PCDH11X: variants seen among roughly 807,000 people sequenced by gnomAD.
PCDH11X encodes protocadherin-11 X-linked.
A neutral mutation model predicts 53.3 loss-of-function variants in PCDH11X; 18 were observed. The observed-to-expected ratio is 0.34, with a 90% CI of 0.23 to 0.50. The LOEUF is 0.50. Ranked by LOEUF, PCDH11X falls within the 20% of genes least tolerant of loss-of-function variation. PCDH11X has a pLI of 0.98. For synonymous variants in PCDH11X, 279 were observed against 393.3 expected (o/e 0.71, Z 3.44); for missense variants, 570 against 1,032.4 (o/e 0.55, Z 6.14).
intron 8 of PCDH11X, among the ~76,000 whole-genome samples, chrX:92,299,212 G>T (rs1356690071): frequency 9.0e-6 from 1 of 111,354 alleles, no homozygotes; most frequent in Non-Finnish European, 1.9e-5. Context: ...ATGCTTTAAG[G>T]CCCAGGAAAG....
Position 92,506,216 on chromosome X carries a change from C to CTTTTTTTTTTTTTTT in PCDH11X, c.3367+37902_3367+37916dup, listed in dbSNP as rs1180678297. ...ATTTGGATACATTTTCTTTTCTTTT[C>CTTTTTTTTTTTTTTT]TTTTTTTTTTTTTTTTTTTTTTGCC... On this transcript the variant is annotated intron_variant, in intron 10 of 10. Transcript: ENST00000682573. Among the ~76,000 whole-genome samples, 86 of 40,181 alleles carry CTTTTTTTTTTTTTTT rather than the reference C, an allele frequency of 2.1e-3. 2 individuals are homozygous for CTTTTTTTTTTTTTTT. Among genetic ancestry groups the CTTTTTTTTTTTTTTT allele is most frequent in the African/African-American group, 2.7e-3 (25 of 9,272 alleles). 34.9% of individuals were successfully genotyped at this position (40,181 alleles called of 115,157 possible). A position where few individuals can be genotyped will look rare whatever the true frequency, so the allele number is the denominator to read the frequency against.
At chrX:91,934,548 A>C (rs12859633) in intron 6 of PCDH11X, among the ~76,000 whole-genome samples, 1,155 of 109,746 alleles carry the variant, frequency 0.011, 7 homozygotes, top group Non-Finnish European at 0.017. Flanking sequence ...TAGTTCTGGG[A>C]TACTTTCTGT....
intron 6 of PCDH11X, among the ~76,000 whole-genome samples, chrX:92,180,861 C>CT (rs149189638): frequency 0.41 from 41,404 of 100,955 alleles, 6,640 homozygotes; most frequent in Admixed American, 0.57. Context: ...TCCATTAAAA[C>CT]TTTTTTTTTT....
intron 6 of PCDH11X, among the ~76,000 whole-genome samples, chrX:92,086,149 C>T (rs753780595): frequency 1.8e-5 from 2 of 111,186 alleles, no homozygotes; most frequent in South Asian, 3.8e-4. Context: ...GTTGAAAACC[C>T]CTCTTTTATA....
intron 8 of PCDH11X, among the ~76,000 whole-genome samples, chrX:92,312,928 G>A (rs759358215): frequency 8.1e-4 from 90 of 111,396 alleles, no homozygotes; most frequent in African/African-American, 2.7e-3. Flanking sequence ...TTGGGGTCAT[G>A]TAGACACTTA....
chrX:92,128,980 A>AAAAT (rs886933549), intron 6 of PCDH11X, among the ~76,000 whole-genome samples: 92 of 107,225 alleles, frequency 8.6e-4, no homozygotes, highest in African/African-American at 3.3e-3. Flanking sequence ...ATATATCAAG[A>AAAAT]AAATAAATAA....
chrX:92,293,213 CA>C (rs760008988), intron 8 of PCDH11X, among the ~76,000 whole-genome samples: 2 of 111,005 alleles, frequency 1.8e-5, no homozygotes, highest in South Asian at 7.7e-4. Context: ...GAGTGGCATC[CA>C]ATACAGTTTT....
At position 91,791,103 on chromosome X, in the gene PCDH11X, T is replaced by C. The variant is rs1410376998; in HGVS notation, c.-379+11419T>C. ...GGCCAATTGGATTAAAATGTTCTTG[T>C]AAGTGCTAAATGAACTTGAGTGTCT... On this transcript the variant is annotated intron_variant, in intron 1 of 10. Coordinates refer to ENST00000682573, the MANE Select transcript of PCDH11X (RefSeq NM_032968.5). Among the ~76,000 whole-genome samples, 3 of 106,963 alleles carry C rather than the reference T, an allele frequency of 2.8e-5. No homozygotes were observed. The East Asian group carries it at 8.8e-4, about 31-fold the overall frequency. The allele number at this position is 106,963 out of a possible 115,157, so 92.9% of individuals were successfully genotyped here. A position where few individuals can be genotyped will look rare whatever the true frequency, so the allele number is the denominator to read the frequency against.
At chrX:91,879,641 T>G (rs1361666055) in intron 6 of PCDH11X, 47 of 893,163 alleles carry the variant, frequency 5.3e-5, no homozygotes, top group Non-Finnish European at 6.4e-5. Context: ...TACATCACAT[T>G]AAAGCTTTTC....
chrX:91,898,250 CAGAG>C (rs1276330384), intron 6 of PCDH11X, among the ~76,000 whole-genome samples: 1 of 108,316 alleles, frequency 9.2e-6, no homozygotes, highest in African/African-American at 3.4e-5. Flanking sequence ...ATTGAGCTCT[CAGAG>C]AGCTCAATAA....
intron 7 of PCDH11X, among the ~76,000 whole-genome samples, chrX:92,238,199 T>C (rs1304548725): frequency 2.7e-5 from 3 of 111,600 alleles, no homozygotes; most frequent in Non-Finnish European, 5.7e-5. Flanking sequence ...TTTGAAAACA[T>C]TGGTTATTTG....
At chrX:91,926,652 G>T (rs1342295109) in intron 6 of PCDH11X, among the ~76,000 whole-genome samples, 1 of 110,080 alleles carries the variant, frequency 9.1e-6, no homozygotes, top group African/African-American at 3.3e-5. Flanking sequence ...AGAGTTTTTT[G>T]CAAATATTAT....
intron 6 of PCDH11X, chrX:91,879,539 G>A: frequency 9.3e-7 from 1 of 1,076,137 alleles, no homozygotes; most frequent in South Asian, 2.4e-5. Context: ...ATTCTTGCTA[G>A]AGAATATATT....
chrX:92,209,791 T>C (rs770180031), intron 7 of PCDH11X, among the ~76,000 whole-genome samples: 10 of 112,473 alleles, frequency 8.9e-5, no homozygotes. Flanking sequence ...CTTCATCACA[T>C]GCAGCAGATA....
chrX:92,285,442 G>A (rs1033104495), intron 8 of PCDH11X, among the ~76,000 whole-genome samples: 8 of 109,034 alleles, frequency 7.3e-5, no homozygotes, highest in Non-Finnish European at 1.5e-4. Flanking sequence ...TAGTAGAGAT[G>A]GGGTTTCTCC....
intron 7 of PCDH11X, among the ~76,000 whole-genome samples, chrX:92,213,310 C>T (rs190780080): frequency 2.3e-4 from 26 of 111,610 alleles, no homozygotes; most frequent in East Asian, 1.7e-3. Flanking sequence ...TGATTACTAA[C>T]GGCATTATAT....
At chrX:92,231,812 T>C (rs1306198246) in intron 7 of PCDH11X, among the ~76,000 whole-genome samples, 1 of 112,032 alleles carries the variant, frequency 8.9e-6, no homozygotes, top group Non-Finnish European at 1.9e-5. Context: ...CATTGGCTAG[T>C]AGGTACGCTA....
chrX:91,861,938 T>C (rs1164429700), intron 5 of PCDH11X, among the ~76,000 whole-genome samples: 2 of 111,013 alleles, frequency 1.8e-5, no homozygotes, highest in Non-Finnish European at 3.8e-5. Context: ...GATACCTTAG[T>C]TGATGGTGCA....
Position 92,620,387 on chromosome X carries a change from C to T in PCDH11X, c.*1447C>T, listed in dbSNP as rs1928391592. ...TTTTATAAATGTACAGAAACATCAC[C>T]AACTTAATTTTCTTCCATAGCAAAA... On this transcript the variant is annotated 3_prime_UTR_variant, in exon 11 of 11. Transcript: ENST00000682573. 1 of 103,896 alleles carries T rather than the reference C, an allele frequency of 9.6e-6. No individual in the cohort carries two copies. The allele number at this position is 103,896 out of a possible 1,213,427, so 8.6% of individuals were successfully genotyped here. A position where few individuals can be genotyped will look rare whatever the true frequency, so the allele number is the denominator to read the frequency against.
Sources: allele counts gnomAD v4.1 joint callset (sites outside exome capture counted in the v4.1 genomes callset), GRCh38; gene constraint gnomAD v4.1.1; transcripts MANE v1.5; gene names NCBI Gene and HGNC (gene_info 2026-07-23, HGNC 2026-07-21).